Variants in SF1 observed in about 807,000 individuals in gnomAD.
SF1 encodes splicing factor 1.
In SF1, 7 loss-of-function variants were observed where a neutral mutation model predicts 62.5. The observed-to-expected ratio is 0.11, with a 90% confidence interval of 0.06 to 0.21. The LOEUF is 0.21. Among genes scored for constraint, SF1 ranks in the 10% least tolerant of loss-of-function variants. The pLI is 1.00. For missense variants in SF1, 578 were observed against 884.0 expected (o/e 0.65, Z 4.39); for synonymous variants, 394 against 323.6 (o/e 1.22, Z -2.33).
chr11:64,778,069 G>A (rs1939664361), intron 1 of SF1: 4 of 988,592 alleles, frequency 4.0e-6, no homozygotes, highest in Non-Finnish European at 4.8e-6. Flanking sequence ...ACACGCGCTG[G>A]TAGAGCGGCG....
At chr11:64,778,285 G>A (rs1432014144) in intron 1 of SF1, 77 bp downstream of exon 1, 6 of 1,215,540 alleles carry the variant, frequency 4.9e-6, no homozygotes, top group African/African-American at 1.6e-5. Context: ...CCCCAGGCCC[G>A]GGTGCAGGCG....
chr11:64,765,787 T>C lies in SF1; in HGVS notation c.*31A>G, dbSNP rs547284311. ...GTTTAAACGAGACCAATTCTCTCTA[T>C]ATATAATATATATTTTCTTAAAAAA... On this transcript the variant is annotated 3_prime_UTR_variant, in exon 13 of 13. Coordinates refer to ENST00000377390, the MANE Select transcript of SF1 (RefSeq NM_004630.4). 20 of 1,516,094 alleles carry C rather than the reference T, an allele frequency of 1.3e-5. No individual in the cohort carries two copies. The East Asian group carries it at 2.5e-4, about 19-fold the overall frequency. The allele number at this position is 1,516,094 out of a possible 1,614,324, so 93.9% of individuals were successfully genotyped here. A position where few individuals can be genotyped will look rare whatever the true frequency, so the allele number is the denominator to read the frequency against.
At position 64,773,450 on chromosome 11, in the gene SF1, G is replaced by C; in HGVS notation, c.216C>G (p.Ile72Met). The change falls in exon 3 of 13, where the codon ATC (isoleucine) becomes ATG (methionine). Residue 72 changes from isoleucine (I) to methionine (M), a missense_variant. Transcript: ENST00000377390. ...TRKLRTGDLGIPPNPEDRSPS... is the reference protein window; with the variant it reads ...TRKLRTGDLGMPPNPEDRSPS... Reference sequence around the variant, plus strand: ...CCAACCTGTCCTCAGGGTTAGGGGGGATGCCCAGGTCTCCTGTGCGCAGTT... The same window carrying C: ...CCAACCTGTCCTCAGGGTTAGGGGGCATGCCCAGGTCTCCTGTGCGCAGTT... The C allele has an allele frequency of 6.2e-7, 1 of 1,613,690 alleles. No homozygotes were observed. Among genetic ancestry groups the C allele is most frequent in the Non-Finnish European group, 8.5e-7 (1 of 1,179,860 alleles).
At chr11:64,777,334 G>T (rs912529213) in intron 1 of SF1, among the ~76,000 whole-genome samples, 3 of 151,770 alleles carry the variant, frequency 2.0e-5, no homozygotes, top group Admixed American at 2.0e-4. Flanking sequence ...TTCCCAAGGG[G>T]TACAGGATCA....
intron 3 of SF1, chr11:64,772,535 G>C (rs1179661200): frequency 1.0e-6 from 1 of 984,910 alleles, no homozygotes. Flanking sequence ...GATTTAATAA[G>C]CTATTAACTG....
In SF1 at chr11:64,765,888, C is replaced by T; in HGVS notation, c.1850G>A (p.Gly617Asp). The T allele has an allele frequency of 6.4e-7, 1 of 1,564,674 alleles. No individual in the cohort carries two copies. Among genetic ancestry groups the T allele is most frequent in the Non-Finnish European group, 8.7e-7 (1 of 1,154,964 alleles). The change falls in exon 13 of 13, where the codon GGC becomes GAC. Residue 617 changes from glycine (G) to aspartate (D), a missense_variant. This residue lies in a region of SF1 where 410 missense variants were observed against 452.4 expected (regional missense o/e 0.91). Transcript: ENST00000377390. ...GGGCGGCATGCCCGCCACCCCCATG[C>T]CCATCATGGTGACAAAGTTAGAAGG... ...MDPSNFVTMMGMGVAGMPPFG... is the reference protein window; with the variant it reads ...MDPSNFVTMMDMGVAGMPPFG...
chr11:64,777,709 G>C, intron 1 of SF1: 1 of 985,522 alleles, frequency 1.0e-6, no homozygotes, highest in Non-Finnish European at 1.2e-6. Context: ...CAGCAATAGT[G>C]GGCCCCCAGT....
intron 10 of SF1, 150 bp downstream of exon 10, chr11:64,767,421 C>T: frequency 9.6e-7 from 1 of 1,044,434 alleles, no homozygotes; most frequent in Non-Finnish European, 1.4e-6. Flanking sequence ...AGAATGGAGT[C>T]TTGCTCCTTC....
In SF1 at chr11:64,765,454, T is replaced by C; in HGVS notation, c.*364A>G. 1 of 1,611,216 alleles carries C rather than the reference T, an allele frequency of 6.2e-7. No individual in the cohort carries two copies. Among genetic ancestry groups the C allele is most frequent in the Non-Finnish European group, 8.5e-7 (1 of 1,177,926 alleles). On this transcript the variant is annotated 3_prime_UTR_variant, in exon 13 of 13. Transcript: ENST00000377390. Reference sequence around the variant, plus strand: ...TGCTGAGGCTGTCTGCCTGGAAGGGTCACCAATGGGCGCGGAAAGTCCTCA... The same window carrying C: ...TGCTGAGGCTGTCTGCCTGGAAGGGCCACCAATGGGCGCGGAAAGTCCTCA...
At chr11:64,766,531 T>G in intron 12 of SF1, 1 of 419,950 alleles carries the variant, frequency 2.4e-6, no homozygotes, top group Non-Finnish European at 4.3e-6. Flanking sequence ...CTCTGCAGTC[T>G]CTCACCCCAA....
chr11:64,773,882 C>G (rs1475893446), intron 2 of SF1, among the ~76,000 whole-genome samples: 1 of 152,136 alleles, frequency 6.6e-6, no homozygotes, highest in Non-Finnish European at 1.5e-5. Flanking sequence ...CACCAATACC[C>G]GACTCCCATC....
chr11:64,776,384 G>A (rs770659629), intron 2 of SF1, 114 bp downstream of exon 2: 5 of 1,146,484 alleles, frequency 4.4e-6, no homozygotes, highest in Non-Finnish European at 5.2e-6. Flanking sequence ...AGTCGTGAAA[G>A]TATCTCATCT....
In SF1 at chr11:64,765,524, G is replaced by A. The variant is rs200580424; in HGVS notation, c.*294C>T. ...CGCCGCCGCGGGGAGGGATCCTGGC[G>A]GCCCGGTTTGGGGAGAGGCAAAGGG... On this transcript the variant is annotated 3_prime_UTR_variant, in exon 13 of 13. Transcript: ENST00000377390. 77 of 1,606,106 alleles carry A rather than the reference G, an allele frequency of 4.8e-5. No homozygotes were observed. Among genetic ancestry groups the A allele is most frequent in the Admixed American group, 1.5e-4 (9 of 58,830 alleles).
chr11:64,778,327 G>C, intron 1 of SF1, 35 bp downstream of exon 1: 3 of 1,223,696 alleles, frequency 2.5e-6, no homozygotes, highest in Non-Finnish European at 3.1e-6. Context: ...CTTTGGGCCC[G>C]GGGAGCGGGG....
At chr11:64,769,864 A>T in intron 5 of SF1, 100 bp downstream of exon 5, 1 of 942,704 alleles carries the variant, frequency 1.1e-6, no homozygotes, top group Non-Finnish European at 1.6e-6. Context: ...TCCTACCAAA[A>T]AGGGGAAAAG....
chr11:64,773,554 A>G (rs767602914), intron 2 of SF1, 49 bp from the exon 3 acceptor site: 4 of 1,576,566 alleles, frequency 2.5e-6, no homozygotes, highest in Non-Finnish European at 3.4e-6. Flanking sequence ...AAAAAAGACA[A>G]TGTTACCAAT....
intron 8 of SF1, 57 bp from the exon 9 acceptor site, chr11:64,768,343 G>C: frequency 6.5e-7 from 1 of 1,534,428 alleles, no homozygotes. Flanking sequence ...TAAGAAGGAA[G>C]CTTTTATCCT....
rs575282504 is a variant in SF1 at position 64,778,221 on chromosome 11, C to T, written c.31+141G>A. 55 of 1,159,596 alleles carry T rather than the reference C, an allele frequency of 4.7e-5. No individual in the cohort carries two copies. The Middle Eastern group carries it at 1.0e-3, about 21-fold the overall frequency. The allele number at this position is 1,159,596 out of a possible 1,614,324, so 71.8% of individuals were successfully genotyped here. On this transcript the variant is annotated intron_variant, in intron 1 of 12. Transcript: ENST00000377390. The stretch of plus-strand genomic sequence containing the variant: ...GCGAAGGGGAAGGCCGCGGTCAGGG[C>T]CCCCATCGAGCCCACGGGCGGGGGC...
chr11:64,776,382 A>C (rs746706506), intron 2 of SF1, 116 bp downstream of exon 2: 2 of 1,138,392 alleles, frequency 1.8e-6, no homozygotes, highest in Admixed American at 3.7e-5. Flanking sequence ...AAAGTCGTGA[A>C]AGTATCTCAT....
Sources: gnomAD v4.1 joint callset for allele counts (sites outside exome capture counted in the v4.1 genomes callset) on GRCh38, gnomAD v4.1.1 for gene constraint, gnomAD v4.1.1 regional missense constraint, MANE v1.5 for transcripts, NCBI Gene and HGNC (gene_info 2026-07-23, HGNC 2026-07-21) for gene names.